The following HDAC9 variants were observed in gnomAD, a reference collection of about 807,000 sequenced individuals.
HDAC9 encodes the protein MEF-2 interacting transcription repressor (MITR) protein.
HDAC9 carries 41 observed loss-of-function variants against 139.4 expected under a neutral mutation model. The observed-to-expected ratio is 0.29, with a 90% CI of 0.23 to 0.38. The LOEUF (loss-of-function observed/expected upper bound fraction) is 0.38. HDAC9 is among the 10% of genes least tolerant of loss of function. HDAC9 has a pLI of 1.00. For synonymous variants in HDAC9, 517 were observed against 476.2 expected, an observed-to-expected ratio of 1.09 and a Z score of -1.12; for missense variants, 1,147 against 1,297.0, an observed-to-expected ratio of 0.88 and a Z score of 1.78.
chr7:18,318,299 A>T (rs962707626), intron 1 of HDAC9, among the ~76,000 whole-genome samples: 1 of 152,248 alleles, frequency 6.6e-6, no homozygotes, highest in African/African-American at 2.4e-5. Flanking sequence ...CAATACAAAA[A>T]TGCTACATAA....
chr7:18,127,208 A>T (rs1259995346), intron 1 of HDAC9: 1 of 168,794 alleles, frequency 5.9e-6, no homozygotes. Context: ...GTAATATTTG[A>T]ATTTTATATT....
intron 1 of HDAC9, among the ~76,000 whole-genome samples, chr7:18,157,037 G>A (rs946565869): frequency 6.6e-6 from 1 of 152,206 alleles, no homozygotes; most frequent in African/African-American, 2.4e-5. Context: ...GCAGTGAGCT[G>A]TGATCACGTG....
intron 2 of HDAC9, among the ~76,000 whole-genome samples, chr7:18,277,805 A>G (rs1326559813): frequency 6.6e-6 from 1 of 152,242 alleles, no homozygotes; most frequent in Non-Finnish European, 1.5e-5. Flanking sequence ...TTTACTAATT[A>G]ATAGGAAATG....
rs1795405108 is a variant in HDAC9, at chr7:18,479,852, A to G, written c.-41-16410A>G. On this transcript the variant is annotated intron_variant, in intron 1 of 3. Transcript: ENST00000413509. Reference sequence around the variant, plus strand: ...ATGGTAATGGTTTATTATATTACATAATATTGAAGTGTGAGAGTAGGCCTG... The same window carrying G: ...ATGGTAATGGTTTATTATATTACATGATATTGAAGTGTGAGAGTAGGCCTG... Among the ~76,000 whole-genome samples, 4 of 152,154 alleles carry G rather than the reference A, an allele frequency of 2.6e-5. No homozygotes were observed. In the South Asian group the frequency reaches 8.3e-4, roughly 32 times the overall value.
At position 18,648,599 on chromosome 7, in the gene HDAC9, G is replaced by A. The variant is rs771801459; in HGVS notation, c.1383G>A (p.Thr461=). The A allele has an allele frequency of 2.3e-5, 37 of 1,613,386 alleles. No individual in the cohort carries two copies. Among genetic ancestry groups the A allele is most frequent in the Non-Finnish European group, 3.0e-5 (35 of 1,179,720 alleles). The change falls in exon 11 of 26, where the codon ACG becomes ACA. Residue 461 remains threonine (T), a synonymous_variant. Transcript: ENST00000686413. ...RTQSAPLPQS[T]LAQLVIQQQH... is the part of the protein sequence containing the mutation. The stretch of plus-strand genomic sequence containing the variant: ...AGTCTGCACCTTTGCCTCAGAGCAC[G>A]TTGGCTCAGCTGGTCATTCAACAGC...
chr7:18,193,086 ATT>A (rs1224818634), intron 2 of HDAC9, among the ~76,000 whole-genome samples: 1 of 152,148 alleles, frequency 6.6e-6, no homozygotes. Flanking sequence ...AAATTGCTAT[ATT>A]TTTGTGACCA....
At chr7:18,442,098 T>G (rs1352892490) in intron 1 of HDAC9, among the ~76,000 whole-genome samples, 1 of 152,066 alleles carries the variant, frequency 6.6e-6, no homozygotes, top group Non-Finnish European at 1.5e-5. Flanking sequence ...AGAGATACAG[T>G]GACATAGAGG....
In HDAC9 at chr7:18,111,562, C is replaced by T. The variant is rs78850972; in HGVS notation, c.-97+24349C>T. On this transcript the variant is annotated intron_variant, in intron 1 of 12. Coordinates refer to the HDAC9 transcript ENST00000417496. ...AAGGGTATAGTGTTTGCATATAATC[C>T]ATACTGTATACTTTAAATCGTCTCT... 3.8e-3 allele frequency among the ~76,000 whole-genome samples: 580 copies of T among 152,284 alleles called. 1 individual carries two copies. The highest frequency in any genetic ancestry group is 6.5e-3 in the Non-Finnish European group (444 of 68,028).
intron 22 of HDAC9, among the ~76,000 whole-genome samples, chr7:18,878,363 G>GGCTATCATCTCA (rs530846376): frequency 6.6e-6 from 1 of 152,076 alleles, no homozygotes. Flanking sequence ...TTGGAATTAT[G>GGCTATCATCTCA]CAAAATCATT....
At chr7:18,429,001 G>T (rs935942733) in intron 1 of HDAC9, 1 of 152,272 alleles carries the variant, frequency 6.6e-6, no homozygotes, top group Non-Finnish European at 1.5e-5. Context: ...TCTCAGAGAA[G>T]TTTTTCAGAT....
At chr7:18,329,981 GTA>G (rs1237772165) in intron 1 of HDAC9, among the ~76,000 whole-genome samples, 3 of 56,596 alleles carry the variant, frequency 5.3e-5, no homozygotes, top group South Asian at 9.6e-4. Flanking sequence ...AGGCTTGTGT[GTA>G]TGTGTGTGTG....
At chr7:18,786,585 G>GCTTCCTTCCTTCCTTCCTTCCTTC (rs34314311) in intron 16 of HDAC9, among the ~76,000 whole-genome samples, 4 of 53,296 alleles carry the variant, frequency 7.5e-5, no homozygotes, top group African/African-American at 1.2e-4. Context: ...TGGCTGGCTG[G>GCTTCCTTCCTTCCTTCCTTCCTTC]CTTCCTTCCT....
intron 17 of HDAC9, among the ~76,000 whole-genome samples, chr7:18,812,451 A>G (rs1028329942): frequency 1.3e-5 from 2 of 152,030 alleles, no homozygotes; most frequent in Non-Finnish European, 2.9e-5. Context: ...ATCATTTGAT[A>G]TATAAAACTA....
chr7:18,424,382 A>C (rs1252741412), intron 1 of HDAC9, among the ~76,000 whole-genome samples: 2 of 152,210 alleles, frequency 1.3e-5, no homozygotes, highest in Non-Finnish European at 2.9e-5. Flanking sequence ...AATTATACCT[A>C]CTTCATCAGG....
chr7:18,771,360 G>A (rs541786001), intron 16 of HDAC9, among the ~76,000 whole-genome samples: 103 of 152,190 alleles, frequency 6.8e-4, no homozygotes, highest in African/African-American at 2.3e-3. Flanking sequence ...GTGATTATGA[G>A]AGGGTAGTAA....
chr7:18,345,261 TA>T (rs956810388), intron 1 of HDAC9, among the ~76,000 whole-genome samples: 2 of 152,156 alleles, frequency 1.3e-5, no homozygotes, highest in African/African-American at 4.8e-5. Context: ...CAAAATGACT[TA>T]AAATGAAACA....
intron 1 of HDAC9, among the ~76,000 whole-genome samples, chr7:18,421,784 G>C (rs1789642824): frequency 6.6e-6 from 1 of 152,210 alleles, no homozygotes; most frequent in South Asian, 2.1e-4. Flanking sequence ...GACTCAGGGT[G>C]AATGCACAAG....
intron 1 of HDAC9, among the ~76,000 whole-genome samples, chr7:18,112,349 T>G (rs1259370786): frequency 6.6e-6 from 1 of 152,172 alleles, no homozygotes; most frequent in Non-Finnish European, 1.5e-5. Flanking sequence ...AGAGAAATTG[T>G]TAAGAATGCG....
chr7:18,505,764 A>C (rs1010718922), intron 2 of HDAC9: 6 of 152,226 alleles, frequency 3.9e-5, no homozygotes, highest in Non-Finnish European at 7.3e-5. Context: ...TTCAGGAATC[A>C]ATACATTGTA....
Sources: gnomAD v4.1 joint callset for allele counts (sites outside exome capture counted in the v4.1 genomes callset) on GRCh38, gnomAD v4.1.1 for gene constraint, MANE v1.5 for transcripts, NCBI Gene and HGNC (gene_info 2026-07-23, HGNC 2026-07-21) for gene names.